Variants in ZCCHC14 observed in about 807,000 individuals in gnomAD.
The protein encoded by ZCCHC14 is zinc finger CCHC domain-containing protein 14.
ZCCHC14 carries 16 observed loss-of-function variants against 85.0 expected under a neutral mutation model. The ratio of observed to expected loss-of-function variants is 0.19; its 90% CI spans 0.13 to 0.29. The LOEUF (loss-of-function observed/expected upper bound fraction) is 0.29, where lower values mean the gene tolerates loss of function less well. Among genes scored for constraint, ZCCHC14 ranks in the 10% least tolerant of loss-of-function variants. The probability of loss-of-function intolerance (pLI) is 1.00; values close to 1 mark genes in which losing one functional copy is unlikely to be tolerated. For synonymous variants in ZCCHC14, 775 were observed against 630.7 expected (o/e 1.23, Z -3.43); for missense variants, 1,303 against 1,443.5 (o/e 0.90, Z 1.58).
chr16:87,412,847 G>A lies in ZCCHC14; in HGVS notation c.1874C>T (p.Ser625Leu), dbSNP rs1230013304. 4 of 1,608,996 alleles carry A rather than the reference G, an allele frequency of 2.5e-6. No homozygotes were observed. The African/African-American group carries it at 4.0e-5, about 16-fold the overall frequency. The change falls in exon 12 of 13, where the codon TCA (serine) becomes TTA (leucine). Residue 625 changes from serine to leucine, a missense_variant. Coordinates refer to ENST00000671377, the MANE Select transcript of ZCCHC14 (RefSeq NM_015144.3). ...CTGCGGGGGCAGGGGGTGGTGGCCT[G>A]ATGGATTGGAGCTGGCCTCATTCTG... ...PVQNEASSNP[S>L]GHHPLPPQML...
At chr16:87,417,881 T>G (rs918476179) in intron 7 of ZCCHC14, 139 bp from the exon 8 acceptor site, 4 of 1,007,358 alleles carry the variant, frequency 4.0e-6, no homozygotes, top group East Asian at 2.6e-5. Flanking sequence ...CACCCTGAAC[T>G]GCCAACACTG....
intron 1 of ZCCHC14, among the ~76,000 whole-genome samples, chr16:87,478,519 CTATT>C (rs1290742458): frequency 9.2e-5 from 14 of 151,896 alleles, no homozygotes; most frequent in South Asian, 4.1e-4. Context: ...CTGTGAGTAT[CTATT>C]TGTGTCCGGG....
At position 87,409,004 on chromosome 16, in the gene ZCCHC14, G is replaced by C. The variant is rs542327254; in HGVS notation, c.*1276C>G. The C allele has an allele frequency of 6.6e-6, 1 of 152,476 alleles. No individual in the cohort carries two copies. Among genetic ancestry groups the C allele is most frequent in the Non-Finnish European group, 1.5e-5 (1 of 68,018 alleles). 9.4% of individuals were successfully genotyped at this position (152,476 alleles called of 1,614,324 possible). A position where few individuals can be genotyped will look rare whatever the true frequency, so the allele number is the denominator to read the frequency against. ...TAAGTCCGTAAATTTCAGACAAAAG[G>C]CTTTCATTTCCGTGGGTTGAAATTT... On this transcript the variant is annotated 3_prime_UTR_variant, in exon 13 of 13. Transcript: ENST00000671377.
rs566595805 is a variant in ZCCHC14, at chr16:87,406,660, G to A, written c.*3620C>T. The A allele has an allele frequency of 6.6e-6, 1 of 152,376 alleles. No individual in the cohort carries two copies. The highest frequency in any genetic ancestry group is 1.5e-5 in the Non-Finnish European group (1 of 68,046). The allele number at this position is 152,376 out of a possible 1,614,324, so 9.4% of individuals were successfully genotyped here. On this transcript the variant is annotated 3_prime_UTR_variant, in exon 13 of 13. Coordinates refer to ENST00000671377, the MANE Select transcript of ZCCHC14 (RefSeq NM_015144.3). ...CAACGCACGTGAGGCCGCGGCGGAT[G>A]GCCACTGCCCCCTTCCTTGGTGAAC...
At chr16:87,473,977 C>T (rs1232335803) in intron 1 of ZCCHC14, 1 of 152,194 alleles carries the variant, frequency 6.6e-6, no homozygotes, top group Admixed American at 6.5e-5. Context: ...TGCTTCAGAG[C>T]CAGGGTCCCC....
At position 87,418,885 on chromosome 16, in the gene ZCCHC14, G is replaced by T. The variant is rs768047247; in HGVS notation, c.1062C>A (p.Ser354=). ...QLQSPSPGNP[S]LSKVGTVMGV... Reference sequence around the variant, plus strand: ...CCATCACGGTACCTACTTTAGAAAGGGAGGGATTGCCAGGACCTATAAATT... The same window carrying T: ...CCATCACGGTACCTACTTTAGAAAGTGAGGGATTGCCAGGACCTATAAATT... Residue 354 remains serine (S), a synonymous_variant, in exon 7 of 13, where the codon TCC becomes TCA. Transcript: ENST00000671377. The T allele has an allele frequency of 1.9e-6, 3 of 1,612,734 alleles. No individual in the cohort carries two copies. The highest frequency in any genetic ancestry group is 2.5e-6 in the Non-Finnish European group (3 of 1,179,218).
intron 2 of ZCCHC14, among the ~76,000 whole-genome samples, chr16:87,448,031 T>C (rs1182388581): frequency 2.6e-5 from 4 of 152,224 alleles, no homozygotes; most frequent in African/African-American, 9.7e-5. Flanking sequence ...TTTTTTCTGC[T>C]GGTAGAAAAA....
chr16:87,475,769 A>C (rs1452805489), intron 1 of ZCCHC14, among the ~76,000 whole-genome samples: 1 of 152,172 alleles, frequency 6.6e-6, no homozygotes, highest in African/African-American at 2.4e-5. Flanking sequence ...GGACAATATC[A>C]CACAGTTTAA....
At chr16:87,463,467 C>A (rs990048764) in intron 1 of ZCCHC14, among the ~76,000 whole-genome samples, 6 of 152,224 alleles carry the variant, frequency 3.9e-5, no homozygotes, top group Admixed American at 3.9e-4. Context: ...TACTTTGGTA[C>A]ATATTCTAAG....
chr16:87,459,820 A>G (rs961242390), intron 2 of ZCCHC14, among the ~76,000 whole-genome samples, 188 bp downstream of exon 2: 9 of 152,164 alleles, frequency 5.9e-5, no homozygotes, highest in African/African-American at 2.2e-4. Context: ...TCTCCTTAAA[A>G]AACATCAATA....
intron 8 of ZCCHC14, among the ~76,000 whole-genome samples, chr16:87,416,877 A>C (rs1463874583): frequency 1.3e-5 from 2 of 152,240 alleles, no homozygotes; most frequent in Non-Finnish European, 2.9e-5. Context: ...TTTTTCGAGA[A>C]ATGAAATTTT....
chr16:87,444,208 C>T (rs1031750851), intron 2 of ZCCHC14, among the ~76,000 whole-genome samples: 2 of 152,070 alleles, frequency 1.3e-5, no homozygotes, highest in Admixed American at 6.5e-5. Flanking sequence ...GAACCTAGGC[C>T]GTTGGAAATT....
At chr16:87,418,927 A>T (rs752670289) in intron 6 of ZCCHC14, 26 bp from the exon 7 acceptor site, 4 of 1,554,900 alleles carry the variant, frequency 2.6e-6, no homozygotes, top group Non-Finnish European at 3.5e-6. Context: ...TAAATACCAT[A>T]AAAATTTACA....
intron 1 of ZCCHC14, among the ~76,000 whole-genome samples, chr16:87,489,883 G>A (rs1597188628): frequency 6.6e-6 from 1 of 152,218 alleles, no homozygotes; most frequent in Non-Finnish European, 1.5e-5. Flanking sequence ...CCCTTAAAGA[G>A]ATGACGTTAC....
At chr16:87,427,036 G>A (rs895945448) in intron 3 of ZCCHC14, among the ~76,000 whole-genome samples, 15 of 152,242 alleles carry the variant, frequency 9.9e-5, no homozygotes, top group African/African-American at 3.6e-4. Flanking sequence ...AGGAGCTCCA[G>A]CCAACAGGGG....
In ZCCHC14 at chr16:87,492,287, G is replaced by C; in HGVS notation, c.-49C>G. 1 of 970,804 alleles carries C rather than the reference G, an allele frequency of 1.0e-6. No homozygotes were observed. The highest frequency in any genetic ancestry group is 1.2e-6 in the Non-Finnish European group (1 of 820,282). The allele number at this position is 970,804 out of a possible 1,614,324, so 60.1% of individuals were successfully genotyped here. On this transcript the variant is annotated 5_prime_UTR_variant, in exon 1 of 13. Transcript: ENST00000671377. The surrounding 1 kb of genome is among the most constrained non-coding windows in gnomAD (Gnocchi z 6.7). ...ACCCGGGGCCGGGGACCGCGCGGGG[G>C]CGGCCGGGGGGCGCCGGGGGCCGCG...
At position 87,460,138 on chromosome 16, in the gene ZCCHC14, G is replaced by T. The variant is rs780526745; in HGVS notation, c.571-7C>A. On this transcript the variant is annotated splice_region_variant and splice_polypyrimidine_tract_variant and intron_variant, in intron 1 of 12. Coordinates refer to ENST00000671377, the MANE Select transcript of ZCCHC14 (RefSeq NM_015144.3). ...CCTCAGTTCTTGGAGTGATCTGAGGGAACAGAAACAGAATCATCTTATTTT... is the reference window on the plus strand; with the variant it reads ...CCTCAGTTCTTGGAGTGATCTGAGGTAACAGAAACAGAATCATCTTATTTT... The T allele has an allele frequency of 3.7e-6, 6 of 1,612,934 alleles. No homozygotes were observed. Among genetic ancestry groups the T allele is most frequent in the Non-Finnish European group, 5.1e-6 (6 of 1,179,512 alleles).
intron 3 of ZCCHC14, among the ~76,000 whole-genome samples, chr16:87,431,616 AGGATTG>A (rs1909667431): frequency 1.3e-5 from 2 of 152,208 alleles, no homozygotes; most frequent in Non-Finnish European, 2.9e-5. Flanking sequence ...AACTGGACTA[AGGATTG>A]GGAGCAAATC....
chr16:87,435,359 C>T (rs995642815), intron 2 of ZCCHC14, among the ~76,000 whole-genome samples: 1 of 152,232 alleles, frequency 6.6e-6, no homozygotes, highest in East Asian at 1.9e-4. Flanking sequence ...CCACGCTGGG[C>T]GGTGTGCTCC....
Sources: gnomAD v4.1 joint callset for allele counts (sites outside exome capture counted in the v4.1 genomes callset) on GRCh38, gnomAD v4.1.1 for gene constraint, Gnocchi (gnomAD v3.1) non-coding constraint, MANE v1.5 for transcripts, NCBI Gene and HGNC (gene_info 2026-07-23, HGNC 2026-07-21) for gene names.